The following PHF2 variants were observed in gnomAD, a reference collection of about 807,000 sequenced individuals.
PHF2 encodes PHD finger protein 2.
Under a neutral mutation model 120.5 loss-of-function variants are expected in PHF2, and 27 were observed. The observed-to-expected ratio is 0.22, with a 90% confidence interval of 0.17 to 0.31. PHF2 has a LOEUF of 0.31. PHF2 is among the 10% of genes least tolerant of loss of function. The pLI is 1.00. For synonymous variants in PHF2, 568 were observed against 592.5 expected (o/e 0.96, Z 0.60); for missense variants, 1,024 against 1,434.8 (o/e 0.71, Z 4.63).
chr9:93,620,185 A>C (rs1318322641), intron 1 of PHF2, among the ~76,000 whole-genome samples: 1 of 152,336 alleles, frequency 6.6e-6, no homozygotes, highest in African/African-American at 2.4e-5. Context: ...AGCGGCCTGC[A>C]GAGGGCTCCA....
At chr9:93,601,112 C>T (rs1825430787) in intron 1 of PHF2, among the ~76,000 whole-genome samples, 2 of 152,188 alleles carry the variant, frequency 1.3e-5, no homozygotes, top group Non-Finnish European at 1.5e-5. Flanking sequence ...TGAGTACTTA[C>T]ATCCCCTAGG....
At chr9:93,635,003 A>G (rs1320040310) in intron 2 of PHF2, among the ~76,000 whole-genome samples, 1 of 152,188 alleles carries the variant, frequency 6.6e-6, no homozygotes, top group East Asian at 1.9e-4. Context: ...CAGAGCTGTC[A>G]AGTAATTTGC....
At chr9:93,646,415 C>G (rs985748512) in intron 4 of PHF2, among the ~76,000 whole-genome samples, 1 of 152,202 alleles carries the variant, frequency 6.6e-6, no homozygotes, top group Non-Finnish European at 1.5e-5. Flanking sequence ...GCCACATGGC[C>G]AAGCATGGAG....
intron 10 of PHF2, 77 bp downstream of exon 10, chr9:93,658,313 A>T (rs866377341): frequency 2.8e-6 from 3 of 1,075,702 alleles, no homozygotes; most frequent in Middle Eastern, 2.9e-4. Context: ...ACCCAGCAGC[A>T]ATGTCCAGGA....
At chr9:93,601,675 G>A (rs754658395) in intron 1 of PHF2, among the ~76,000 whole-genome samples, 6 of 152,110 alleles carry the variant, frequency 3.9e-5, no homozygotes, top group South Asian at 2.1e-4. Flanking sequence ...CCTCAGCAAG[G>A]TCTTGGGAAG....
chr9:93,677,382 C>G lies in PHF2; in HGVS notation c.3203-206C>G, dbSNP rs778364244. ...TACCTGCCAGGGCCCCTTGAGGACA[C>G]GGCCTCTGAGGCGGAGGCTTTGCCA... On this transcript the variant is annotated intron_variant, in intron 21 of 21. Coordinates refer to ENST00000359246, the MANE Select transcript of PHF2 (RefSeq NM_005392.4). This position sits in a 1 kb window ranked among gnomAD's most constrained non-coding sequence, Gnocchi z 4.4. Among the ~76,000 whole-genome samples the G allele has an allele frequency of 6.6e-6, 1 of 151,862 alleles. No homozygotes were observed. The highest frequency in any genetic ancestry group is 1.5e-5 in the Non-Finnish European group (1 of 67,988).
chr9:93,674,662 T>C (rs1826875070), intron 18 of PHF2, among the ~76,000 whole-genome samples: 1 of 152,146 alleles, frequency 6.6e-6, no homozygotes, highest in African/African-American at 2.4e-5. Flanking sequence ...GCTGCACAGA[T>C]GAGGCTGGGC....
rs764439040 is a variant in PHF2 at position 93,666,029 on chromosome 9, C to A, written c.2156C>A (p.Thr719Lys). ...AAGGCTGTGCTGCCCACGCCTGTCA[C>A]GAAGCCAAAGCTGGACTCGGCAGCG... The part of the protein sequence containing the change: ...DKKAVLPTPV[T>K]KPKLDSAAYK... Residue 719 changes from threonine to lysine, a missense_variant, in exon 16 of 22, where the codon ACG becomes AAG. Physicochemically the swap from Thr to Lys is moderately conservative, Grantham distance 78. Coordinates refer to ENST00000359246, the MANE Select transcript of PHF2 (RefSeq NM_005392.4). The A allele has an allele frequency of 6.2e-7, 1 of 1,613,186 alleles. No individual in the cohort carries two copies. The highest frequency in any genetic ancestry group is 8.5e-7 in the Non-Finnish European group (1 of 1,179,758).
chr9:93,578,754 G>A (rs1396926472), intron 1 of PHF2, among the ~76,000 whole-genome samples: 1 of 152,218 alleles, frequency 6.6e-6, no homozygotes, highest in Non-Finnish European at 1.5e-5. Context: ...TGGCCTGAGA[G>A]CTGGTTGGTG....
chr9:93,592,317 A>G (rs906779033), intron 1 of PHF2, among the ~76,000 whole-genome samples: 2 of 152,150 alleles, frequency 1.3e-5, no homozygotes, highest in Non-Finnish European at 2.9e-5. Flanking sequence ...TCCCAGGCAG[A>G]CACAACACTC....
At position 93,615,188 on chromosome 9, in the gene PHF2, C is replaced by T. The variant is rs201742649; in HGVS notation, c.99-14782C>T. On this transcript the variant is annotated intron_variant, in intron 1 of 21. Coordinates refer to ENST00000359246, the MANE Select transcript of PHF2 (RefSeq NM_005392.4). Reference sequence around the variant, plus strand: ...GTGATGGTGATAGTAATGGTGATGGCGATGGTGATGATGATGGTGATGGTG... The same window carrying T: ...GTGATGGTGATAGTAATGGTGATGGTGATGGTGATGATGATGGTGATGGTG... Among the ~76,000 whole-genome samples, 296 of 38,978 alleles carry T rather than the reference C, an allele frequency of 7.6e-3. 6 individuals carry two copies. Among genetic ancestry groups the T allele is most frequent in the South Asian group, 0.064 (112 of 1,738 alleles). The allele number at this position is 38,978 out of a possible 152,430, so 25.6% of individuals were successfully genotyped here. A position where few individuals can be genotyped will look rare whatever the true frequency, so the allele number is the denominator to read the frequency against.
chr9:93,657,700 G>A (rs1014174683), intron 9 of PHF2, among the ~76,000 whole-genome samples: 4 of 152,184 alleles, frequency 2.6e-5, no homozygotes, highest in African/African-American at 9.7e-5. Context: ...CACAGCAGGA[G>A]CACACCTCCC....
chr9:93,633,511 C>T (rs931538143), intron 2 of PHF2, among the ~76,000 whole-genome samples: 15 of 152,214 alleles, frequency 9.9e-5, no homozygotes, highest in African/African-American at 3.1e-4. Context: ...GCAGTTGTCT[C>T]AGTGGGTGTG....
intron 4 of PHF2, among the ~76,000 whole-genome samples, chr9:93,647,997 C>T (rs573785943): frequency 2.6e-5 from 4 of 152,154 alleles, no homozygotes; most frequent in Admixed American, 6.5e-5. Context: ...TCATCGCACT[C>T]GATAATATTA....
intron 1 of PHF2, among the ~76,000 whole-genome samples, chr9:93,629,556 A>C (rs1587692364): frequency 6.6e-6 from 1 of 152,118 alleles, no homozygotes; most frequent in South Asian, 2.1e-4. Context: ...GGCCCACAGG[A>C]GGGGCTCTGA....
chr9:93,632,548 C>T (rs1826019449), intron 2 of PHF2, among the ~76,000 whole-genome samples: 1 of 152,174 alleles, frequency 6.6e-6, no homozygotes, highest in African/African-American at 2.4e-5. Context: ...GCTTCTGGTT[C>T]ATAGACAGTG....
chr9:93,619,634 T>G (rs10992805), intron 1 of PHF2, among the ~76,000 whole-genome samples: 43,867 of 151,912 alleles, frequency 0.29, 7,776 homozygotes, highest in Non-Finnish European at 0.4. Flanking sequence ...TGCTGGTGGC[T>G]TCCGGTAGCC....
At chr9:93,662,151 A>C (rs1174521064) in intron 12 of PHF2, among the ~76,000 whole-genome samples, 3 of 147,876 alleles carry the variant, frequency 2.0e-5, no homozygotes, top group Admixed American at 6.7e-5. Flanking sequence ...GGATGGATGG[A>C]TAGACAGAGG....
chr9:93,595,818 A>G (rs1221243578), intron 1 of PHF2, among the ~76,000 whole-genome samples: 1 of 152,232 alleles, frequency 6.6e-6, no homozygotes, highest in Non-Finnish European at 1.5e-5. Context: ...ATGAAACAAA[A>G]AGTCAACATC....
Sources: allele counts gnomAD v4.1 joint callset (sites outside exome capture counted in the v4.1 genomes callset), GRCh38; gene constraint gnomAD v4.1.1; non-coding constraint Gnocchi (gnomAD v3.1); transcripts MANE v1.5; gene names NCBI Gene and HGNC (gene_info 2026-07-23, HGNC 2026-07-21).